The following TTC28 variants were observed in gnomAD, a reference collection of about 807,000 sequenced individuals.
TTC28 encodes the protein tetratricopeptide repeat domain 28.
Under a neutral mutation model 198.0 loss-of-function variants are expected in TTC28, and 61 were observed. The ratio of observed to expected loss-of-function variants is 0.31; its 90% CI spans 0.25 to 0.38. The LOEUF (loss-of-function observed/expected upper bound fraction) is 0.38, where lower values mean the gene tolerates loss of function less well. Ranked by LOEUF, TTC28 falls within the 10% of genes least tolerant of loss-of-function variation. The probability of loss-of-function intolerance (pLI) is 1.00; values close to 1 mark genes in which losing one functional copy is unlikely to be tolerated. For missense variants in TTC28, 2,678 were observed against 3,164.0 expected (o/e 0.85, Z 3.69); for synonymous variants, 1,171 against 1,297.8 (o/e 0.90, Z 2.10).
At chr22:28,156,004 T>C (rs779360362) in intron 6 of TTC28, among the ~76,000 whole-genome samples, 3 of 152,168 alleles carry the variant, frequency 2.0e-5, no homozygotes, top group Non-Finnish European at 2.9e-5. Flanking sequence ...ATAATCTTCA[T>C]GAGAAAATGT....
At chr22:28,459,435 A>G (rs867083911) in intron 2 of TTC28, among the ~76,000 whole-genome samples, 2 of 149,788 alleles carry the variant, frequency 1.3e-5, no homozygotes, top group African/African-American at 5.0e-5. Flanking sequence ...GGTTTCAAAG[A>G]AAAAAAAAAT....
At chr22:27,988,441 C>T (rs1365881650) in intron 21 of TTC28, among the ~76,000 whole-genome samples, 1 of 152,040 alleles carries the variant, frequency 6.6e-6, no homozygotes, top group Non-Finnish European at 1.5e-5. Flanking sequence ...GCATGCGCCT[C>T]CATGCCTGGC....
chr22:28,660,103 A>AT (rs533413117), intron 1 of TTC28, among the ~76,000 whole-genome samples: 242 of 152,098 alleles, frequency 1.6e-3, no homozygotes, highest in African/African-American at 4.6e-3. Flanking sequence ...CCTGAAATGC[A>AT]TTTTTTTTAA....
intron 2 of TTC28, among the ~76,000 whole-genome samples, chr22:28,475,108 C>CCACTG (rs1438244914): frequency 3.7e-5 from 5 of 135,390 alleles, no homozygotes; most frequent in Admixed American, 7.7e-5. Context: ...CAAGATTGTG[C>CCACTG]CACTGCACTC....
Position 28,101,080 on chromosome 22 carries a change from T to C in TTC28, c.3417+91A>G, listed in dbSNP as rs1429691443. On this transcript the variant is annotated intron_variant, in intron 9 of 22. Transcript: ENST00000397906. Reference sequence around the variant, plus strand: ...GCCCAAGGGTAGAAGTCAGTGCCTCTTGTAAATGCCATCACTACTAGGACA... The same window carrying C: ...GCCCAAGGGTAGAAGTCAGTGCCTCCTGTAAATGCCATCACTACTAGGACA... The C allele has an allele frequency of 2.6e-5, 24 of 930,582 alleles. No homozygotes were observed. In the East Asian group the frequency reaches 5.5e-4, roughly 21 times the overall value. 57.6% of individuals were successfully genotyped at this position (930,582 alleles called of 1,614,324 possible). A position where few individuals can be genotyped will look rare whatever the true frequency, so the allele number is the denominator to read the frequency against.
intron 12 of TTC28, among the ~76,000 whole-genome samples, chr22:28,036,466 C>A (rs1212017799): frequency 3.3e-5 from 5 of 152,088 alleles, no homozygotes; most frequent in Non-Finnish European, 7.4e-5. Flanking sequence ...TTCTTTGAAA[C>A]CAATGAGAAC....
intron 5 of TTC28, among the ~76,000 whole-genome samples, chr22:28,197,043 T>C (rs577060635): frequency 6.6e-6 from 1 of 152,082 alleles, no homozygotes; most frequent in South Asian, 2.1e-4. Context: ...AATGATAGAC[T>C]GGATTAAGAA....
chr22:28,281,444 T>A (rs1473847460), intron 5 of TTC28, among the ~76,000 whole-genome samples: 1 of 152,132 alleles, frequency 6.6e-6, no homozygotes, highest in Admixed American at 6.5e-5. Flanking sequence ...TTTCTTATAG[T>A]TTCTATTTCT....
chr22:28,502,205 G>A (rs748046947), intron 2 of TTC28, among the ~76,000 whole-genome samples: 24 of 152,068 alleles, frequency 1.6e-4, no homozygotes, highest in Non-Finnish European at 2.6e-4. Context: ...TATCTGCCTC[G>A]TATAGCATAA....
At chr22:28,332,187 T>A (rs2045626982) in intron 2 of TTC28, among the ~76,000 whole-genome samples, 1 of 152,092 alleles carries the variant, frequency 6.6e-6, no homozygotes, top group African/African-American at 2.4e-5. Context: ...TAATCTGTCA[T>A]CCTCTCTACC....
chr22:28,156,684 T>C (rs905437147), intron 6 of TTC28, among the ~76,000 whole-genome samples: 12 of 152,038 alleles, frequency 7.9e-5, no homozygotes, highest in African/African-American at 2.4e-4. Context: ...TACTAGGCAG[T>C]TGGAAATGTG....
chr22:28,390,171 C>T (rs923146612), intron 2 of TTC28, among the ~76,000 whole-genome samples: 4 of 152,074 alleles, frequency 2.6e-5, no homozygotes, highest in African/African-American at 9.7e-5. Flanking sequence ...GAATCTTAAC[C>T]CTGAGTTCTA....
At chr22:28,644,736 T>C (rs1040738735) in intron 1 of TTC28, among the ~76,000 whole-genome samples, 8 of 151,524 alleles carry the variant, frequency 5.3e-5, no homozygotes, top group African/African-American at 1.2e-4. Flanking sequence ...GGTGGGAGGA[T>C]TGCCTGAGCC....
chr22:28,183,698 C>T lies in TTC28; in HGVS notation c.934-20099G>A, dbSNP rs553267672. ...TCGTTTGGCAGCCATCCAAGACCAG[C>T]TTTATTAGACTCCTGAAATTATAAT... On this transcript the variant is annotated intron_variant, in intron 5 of 22. Transcript: ENST00000397906. Among the ~76,000 whole-genome samples the T allele has an allele frequency of 8.5e-5, 13 of 152,136 alleles. No homozygotes were observed. The East Asian group carries it at 2.5e-3, about 29-fold the overall frequency.
At chr22:28,277,907 A>G (rs1372673044) in intron 5 of TTC28, among the ~76,000 whole-genome samples, 1 of 152,110 alleles carries the variant, frequency 6.6e-6, no homozygotes, top group Non-Finnish European at 1.5e-5. Context: ...CACCCATTAT[A>G]CCAGAATGAC....
At chr22:28,397,236 G>A (rs1805348028) in intron 2 of TTC28, among the ~76,000 whole-genome samples, 4 of 152,114 alleles carry the variant, frequency 2.6e-5, no homozygotes, top group Admixed American at 2.6e-4. Flanking sequence ...ATCCCTTAGA[G>A]TTCTATATAG....
At chr22:28,473,823 G>T (rs767657411) in intron 2 of TTC28, among the ~76,000 whole-genome samples, 4 of 152,172 alleles carry the variant, frequency 2.6e-5, no homozygotes, top group Non-Finnish European at 4.4e-5. Context: ...AAGAAGAAGA[G>T]ATTAGGGCAC....
chr22:28,270,106 G>A (rs1176320748), intron 5 of TTC28, among the ~76,000 whole-genome samples: 3 of 152,098 alleles, frequency 2.0e-5, no homozygotes, highest in East Asian at 1.9e-4. Context: ...TGTGCCCAAC[G>A]TGGCTGCATC....
chr22:28,559,050 G>T (rs1022008164), intron 2 of TTC28, among the ~76,000 whole-genome samples: 2 of 151,920 alleles, frequency 1.3e-5, no homozygotes, highest in African/African-American at 4.8e-5. Context: ...AAAAAAAAGA[G>T]AGAATTTCGG....
Sources: gnomAD v4.1 joint callset for allele counts (sites outside exome capture counted in the v4.1 genomes callset) on GRCh38, gnomAD v4.1.1 for gene constraint, MANE v1.5 for transcripts, NCBI Gene and HGNC (gene_info 2026-07-23, HGNC 2026-07-21) for gene names.